Variants in KRT34 observed in about 807,000 individuals in gnomAD.
KRT34 encodes keratin, type I cuticular Ha4.
In KRT34, 31 loss-of-function variants were observed where a neutral mutation model predicts 41.7. The observed-to-expected ratio is 0.74, with a 90% CI of 0.56 to 1.00. The LOEUF is 1.00. Ranked by LOEUF, KRT34 falls within the 50% of genes least tolerant of loss-of-function variation. KRT34 has a pLI of 0.00. For missense variants in KRT34, 523 were observed against 500.3 expected (o/e 1.05, Z -0.43); for synonymous variants, 224 against 212.9 (o/e 1.05, Z -0.45).
chr17:41,381,264 T>C, intron 2 of KRT34, 52 bp from the exon 3 acceptor site: 1 of 1,576,164 alleles, frequency 6.3e-7, no homozygotes, highest in South Asian at 1.1e-5. Context: ...CACCTTCCCC[T>C]CTCATGTGTT....
rs2017927687 is a variant in KRT34 at position 41,379,488 on chromosome 17, C to T, written c.751-10G>A. The T allele has an allele frequency of 1.2e-6, 2 of 1,614,220 alleles. No homozygotes were observed. Among genetic ancestry groups the T allele is most frequent in the African/African-American group, 2.7e-5 (2 of 75,064 alleles). On this transcript the variant is annotated splice_polypyrimidine_tract_variant and intron_variant, in intron 4 of 6. Transcript: ENST00000394001. ...TGTTCAGCTCCTCGGTCTGAAACAC[C>T]CAAGTGGGGAAAGGATCAGACCCTG...
At position 41,382,073 on chromosome 17, in the gene KRT34, C is replaced by T. The variant is rs1450837271; in HGVS notation, c.174G>A (p.Glu58=). ...CEGSFNGSEK[E]TMQFLNDRLA... is the part of the protein sequence containing the mutation. ...GGCGGTCGTTCAGGAACTGCATAGT[C>T]TCCTTCTCGCTGCCATTGAAGGAGC... Residue 58 remains glutamate (E), a synonymous_variant, in exon 1 of 7, where the codon GAG becomes GAA. Coordinates refer to ENST00000394001, the MANE Select transcript of KRT34 (RefSeq NM_001386014.1). 6.2e-7 allele frequency: 1 copy of T among 1,613,108 alleles called. No individual in the cohort carries two copies. Among genetic ancestry groups the T allele is most frequent in the African/African-American group, 1.3e-5 (1 of 74,916 alleles).
At chr17:41,380,191 G>A (rs979846473) in intron 3 of KRT34, among the ~76,000 whole-genome samples, 2 of 151,898 alleles carry the variant, frequency 1.3e-5, no homozygotes, top group African/African-American at 2.4e-5. Flanking sequence ...CCAGGGAGTC[G>A]GATGTTACAG....
upstream of KRT34, among the ~76,000 whole-genome samples, chr17:41,382,728 T>C (rs2018021149): frequency 6.6e-6 from 1 of 152,230 alleles, no homozygotes; most frequent in African/African-American, 2.4e-5. Context: ...CAAGTAGCTC[T>C]TTCCTCCCAC....
In KRT34 at chr17:41,381,219, G is replaced by A. The variant is rs763392861; in HGVS notation, c.432-7C>T. Reference sequence around the variant, plus strand: ...GGACTGCTCCGTCTGGTACCTGCACGTGTCGGAGTGGGAGGATAAGTCAGG... The same window carrying A: ...GGACTGCTCCGTCTGGTACCTGCACATGTCGGAGTGGGAGGATAAGTCAGG... On this transcript the variant is annotated splice_polypyrimidine_tract_variant and splice_region_variant and intron_variant, in intron 2 of 6. Transcript: ENST00000394001. 131 of 1,610,876 alleles carry A rather than the reference G, an allele frequency of 8.1e-5. No individual in the cohort carries two copies. The highest frequency in any genetic ancestry group is 3.8e-4 in the East Asian group (17 of 44,812).
rs1388493095 is a variant in KRT34, at chr17:41,382,109, C to G, written c.138G>C (p.Trp46Cys). 1.2e-6 allele frequency: 2 copies of G among 1,612,630 alleles called. No homozygotes were observed. Among genetic ancestry groups the G allele is most frequent in the East Asian group, 4.5e-5 (2 of 44,878 alleles). ...NIPANVSNCN[W>C]FCEGSFNGSE... ...TGCCATTGAAGGAGCCCTCACAGAA[C>G]CAGTTGCAGTTGCTCACATTGGCGG... Residue 46 changes from tryptophan (W) to cysteine (C), a missense_variant, in exon 1 of 7, where the codon TGG becomes TGC. Transcript: ENST00000394001.
chr17:41,382,148 C>T lies in KRT34; in HGVS notation c.99G>A (p.Gly33=), dbSNP rs1395278804. The T allele has an allele frequency of 6.2e-7, 1 of 1,612,304 alleles. No individual in the cohort carries two copies. Among genetic ancestry groups the T allele is most frequent in the Non-Finnish European group, 8.5e-7 (1 of 1,180,040 alleles). The part of the protein sequence containing the change: ...PPSCHGYTLP[G]ACNIPANVSN... The stretch of plus-strand genomic sequence containing the variant: ...TCACATTGGCGGGGATGTTGCAGGC[C>T]CCAGGCAGGGTGTAGCCGTGGCAGC... The change falls in exon 1 of 7, where the codon GGG becomes GGA. Residue 33 remains glycine (G), a synonymous_variant. Coordinates refer to ENST00000394001, the MANE Select transcript of KRT34 (RefSeq NM_001386014.1).
In KRT34 at chr17:41,377,924, CA is replaced by C. The variant is rs2017874264; in HGVS notation, c.*134del. 1.6e-6 allele frequency: 1 copy of C among 640,018 alleles called. No individual in the cohort carries two copies. The highest frequency in any genetic ancestry group is 2.8e-6 in the Non-Finnish European group (1 of 355,800). The allele number at this position is 640,018 out of a possible 1,614,324, so 39.6% of individuals were successfully genotyped here. A position where few individuals can be genotyped will look rare whatever the true frequency, so the allele number is the denominator to read the frequency against. On this transcript the variant is annotated 3_prime_UTR_variant, in exon 7 of 7. Coordinates refer to ENST00000394001, the MANE Select transcript of KRT34 (RefSeq NM_001386014.1). ...TGCTTGGGTCAGGAAAGCTTTTCAG[CA>C]TTCTAGAAATAACATAGAGGCAAGA...
At chr17:41,380,088 A>G (rs372318109) in intron 3 of KRT34, among the ~76,000 whole-genome samples, 108 of 152,236 alleles carry the variant, frequency 7.1e-4, no homozygotes, top group African/African-American at 2.5e-3. Flanking sequence ...GTGAAACCCC[A>G]TCTCTACTAA....
At chr17:41,380,983 A>C in intron 3 of KRT34, 73 bp downstream of exon 3, 1 of 1,429,244 alleles carries the variant, frequency 7.0e-7, no homozygotes, top group Middle Eastern at 2.4e-4. Flanking sequence ...AGGGATCCAG[A>C]CAGTAATCCT....
In KRT34 at chr17:41,381,879, C is replaced by A. The variant is rs779430132; in HGVS notation, c.348+20G>T. ...AGAGAGCCAGCTGCTGCTGGCCCCC[C>A]ATATGGCCAACCCCCTCACCTTCTG... On this transcript the variant is annotated intron_variant, in intron 1 of 6. Coordinates refer to ENST00000394001, the MANE Select transcript of KRT34 (RefSeq NM_001386014.1). The A allele has an allele frequency of 1.2e-6, 2 of 1,613,232 alleles. No homozygotes were observed. The highest frequency in any genetic ancestry group is 3.3e-5 in the Admixed American group (2 of 59,986).
rs751032377 is a variant in KRT34 at position 41,381,158 on chromosome 17, T to C, written c.486A>G (p.Ile162Met). ...RLLVESDINS[I>M]RRILDELTLC... ...GGGTCAGCTCATCCAGGATCCTGCG[T>C]ATGCTGTTGATGTCCGACTCCACCA... is the stretch of plus-strand genomic sequence containing the variant. The change falls in exon 3 of 7, where the codon ATA becomes ATG. Residue 162 changes from isoleucine to methionine, a missense_variant. Coordinates refer to ENST00000394001, the MANE Select transcript of KRT34 (RefSeq NM_001386014.1). The C allele has an allele frequency of 1.2e-6, 2 of 1,614,170 alleles. No individual in the cohort carries two copies. The highest frequency in any genetic ancestry group is 2.7e-5 in the African/African-American group (2 of 75,046).
rs1218630302 is a variant in KRT34, at chr17:41,379,846, C to T, written c.589-115G>A. 10 of 1,104,216 alleles carry T rather than the reference C, an allele frequency of 9.1e-6. No individual in the cohort carries two copies. The East Asian group carries it at 2.3e-4, about 25-fold the overall frequency. 68.4% of individuals were successfully genotyped at this position (1,104,216 alleles called of 1,614,324 possible). On this transcript the variant is annotated intron_variant, in intron 3 of 6. Coordinates refer to ENST00000394001, the MANE Select transcript of KRT34 (RefSeq NM_001386014.1). Reference sequence around the variant, plus strand: ...CACTAAAAGGAATATTCTGATCATTCCCAAAGAGTGACACACACATTTTAT... The same window carrying T: ...CACTAAAAGGAATATTCTGATCATTTCCAAAGAGTGACACACACATTTTAT...
At position 41,378,988 on chromosome 17, in the gene KRT34, C is replaced by T. The variant is rs779046810; in HGVS notation, c.1065G>A (p.Thr355=). The T allele has an allele frequency of 1.4e-5, 23 of 1,614,216 alleles. No homozygotes were observed. The highest frequency in any genetic ancestry group is 8.8e-5 in the South Asian group (8 of 91,082). ...CCTCACTCTCCAGGAGGCTCCGGTA[C>T]GTGTTGATCTCACACTCCAGCCGGG... ...VRARLECEIN[T]YRSLLESEDC... is the part of the protein sequence containing the mutation. The change falls in exon 6 of 7, where the codon ACG becomes ACA. Residue 355 remains threonine (T), a synonymous_variant. Transcript: ENST00000394001.
rs752193705 is a variant in KRT34 at position 41,382,210 on chromosome 17, G to A, written c.37C>T (p.Arg13Cys). 4.5e-5 allele frequency: 72 copies of A among 1,612,374 alleles called. No homozygotes were observed. The highest frequency in any genetic ancestry group is 5.0e-5 in the Admixed American group (3 of 60,014). The change falls in exon 1 of 7, where the codon CGC becomes TGC. Residue 13 changes from arginine to cysteine, a missense_variant. Arg to Cys is a radical substitution (Grantham distance 180). Coordinates refer to ENST00000394001, the MANE Select transcript of KRT34 (RefSeq NM_001386014.1). ...CAGGGCCGGGAGGAGCAGCTGGTGC[G>A]GCAGCCCAGGCTGGGCAGGCAACAA... Reference protein sequence around the residue: ...YSCCLPSLGCRTSCSSRPCVP... With the variant: ...YSCCLPSLGCCTSCSSRPCVP...
intron 6 of KRT34, among the ~76,000 whole-genome samples, chr17:41,378,687 T>C (rs2144321356): frequency 6.6e-6 from 1 of 152,348 alleles, no homozygotes; most frequent in African/African-American, 2.4e-5. Context: ...TCTCATACTC[T>C]TGAGGTCTCC....
chr17:41,381,249 A>G, intron 2 of KRT34, 37 bp from the exon 3 acceptor site: 1 of 1,598,938 alleles, frequency 6.3e-7, no homozygotes, highest in South Asian at 1.1e-5. Flanking sequence ...GTCAGGAAAG[A>G]AAACCACCTT....
chr17:41,379,927 T>A (rs1178088297), intron 3 of KRT34, among the ~76,000 whole-genome samples, 196 bp from the exon 4 acceptor site: 1 of 150,630 alleles, frequency 6.6e-6, no homozygotes, highest in African/African-American at 2.4e-5. Flanking sequence ...AGATGTGCCA[T>A]CTTCCTGCTC....
chr17:41,378,062 A>G lies in KRT34; in HGVS notation c.1182T>C (p.Asn394=). Residue 394 remains asparagine, a synonymous_variant, in exon 7 of 7, where the codon AAT becomes AAC. Coordinates refer to ENST00000394001, the MANE Select transcript of KRT34 (RefSeq NM_001386014.1). The part of the protein sequence containing the change: ...PCGTSQKGCC[N] The stretch of plus-strand genomic sequence containing the variant: ...CTTCAAAGAGGATACAAGCTTTTCA[A>G]TTACAGCAACCCTTTTGAGAGGTGC... 1 of 1,611,546 alleles carries G rather than the reference A, an allele frequency of 6.2e-7. No homozygotes were observed. Among genetic ancestry groups the G allele is most frequent in the Non-Finnish European group, 8.5e-7 (1 of 1,177,740 alleles).
Sources: allele counts gnomAD v4.1 joint callset (sites outside exome capture counted in the v4.1 genomes callset), GRCh38; gene constraint gnomAD v4.1.1; transcripts MANE v1.5; gene names NCBI Gene and HGNC (gene_info 2026-07-23, HGNC 2026-07-21).